Variants in CDH4 observed in about 807,000 individuals in gnomAD.
CDH4 encodes the protein cadherin-4.
A neutral mutation model predicts 86.0 loss-of-function variants in CDH4; 33 were observed. The ratio of observed to expected loss-of-function variants is 0.38; its 90% CI spans 0.29 to 0.51. The LOEUF (loss-of-function observed/expected upper bound fraction) is 0.51. Ranked by LOEUF, CDH4 falls within the 20% of genes least tolerant of loss-of-function variation. The pLI, the probability that CDH4 is intolerant of heterozygous loss-of-function variation, is 0.86. For synonymous variants in CDH4, 555 were observed against 549.4 expected (o/e 1.01, Z -0.14); for missense variants, 1,114 against 1,307.4 (o/e 0.85, Z 2.28).
intron 2 of CDH4, among the ~76,000 whole-genome samples, chr20:61,329,283 G>A (rs199785381): frequency 6.3e-4 from 1 of 1,596 alleles, no homozygotes; most frequent in South Asian, 0.029. Context: ...CTGCTCCAGT[G>A]TTTAAGCCCA....
chr20:61,926,924 G>A (rs538471055), intron 11 of CDH4, among the ~76,000 whole-genome samples: 8 of 152,288 alleles, frequency 5.3e-5, no homozygotes, highest in Middle Eastern at 6.8e-3. Context: ...CTGGAACATC[G>A]GAGCGTCCAT....
intron 2 of CDH4, among the ~76,000 whole-genome samples, chr20:61,259,550 G>A (rs752956054): frequency 2.0e-5 from 3 of 152,342 alleles, no homozygotes; most frequent in Middle Eastern, 6.8e-3. Context: ...AGTCGCTTTG[G>A]TTAACTCACA....
At chr20:61,808,190 T>C (rs1389819016) in intron 4 of CDH4, among the ~76,000 whole-genome samples, 2 of 151,858 alleles carry the variant, frequency 1.3e-5, no homozygotes. Context: ...GGAACAGAGC[T>C]GCAAGCCCCA....
At position 61,935,896 on chromosome 20, in the gene CDH4, A is replaced by G. The variant is rs76866764; in HGVS notation, c.2545-841A>G. 1.6e-3 allele frequency among the ~76,000 whole-genome samples: 247 copies of G among 152,320 alleles called. 2 individuals carry two copies. The highest frequency in any genetic ancestry group is 5.7e-3 in the African/African-American group (235 of 41,550). ...GCAAAACTCCATTTCAGAAAAATCTAAAAATAAATAAATAAAGCCCACTGT... is the reference window on the plus strand; with the variant it reads ...GCAAAACTCCATTTCAGAAAAATCTGAAAATAAATAAATAAAGCCCACTGT... On this transcript the variant is annotated intron_variant, in intron 15 of 15. Transcript: ENST00000614565.
At chr20:61,611,840 C>T (rs2086687752) in intron 2 of CDH4, among the ~76,000 whole-genome samples, 1 of 152,106 alleles carries the variant, frequency 6.6e-6, no homozygotes, top group African/African-American at 2.4e-5. Flanking sequence ...ACGTCTTGGG[C>T]TCCACCAGGG....
intron 2 of CDH4, among the ~76,000 whole-genome samples, chr20:61,583,884 C>A (rs1434403610): frequency 6.6e-6 from 1 of 152,208 alleles, no homozygotes; most frequent in Non-Finnish European, 1.5e-5. Context: ...TGGGGCAGGA[C>A]ACGGTGGCTC....
chr20:61,572,035 C>T (rs78999683), intron 2 of CDH4, among the ~76,000 whole-genome samples: 2,808 of 152,178 alleles, frequency 0.018, 66 homozygotes, highest in African/African-American at 0.055. Context: ...AGAGCCCAGG[C>T]CCTTCCCGCG....
intron 6 of CDH4, among the ~76,000 whole-genome samples, chr20:61,853,426 C>G (rs59292461): frequency 6.6e-6 from 1 of 152,128 alleles, no homozygotes; most frequent in Admixed American, 6.5e-5. Flanking sequence ...GGACTCCCCC[C>G]ACAGAGGCGA....
intron 2 of CDH4, among the ~76,000 whole-genome samples, chr20:61,305,821 C>G (rs879081007): frequency 6.6e-6 from 1 of 152,158 alleles, no homozygotes; most frequent in African/African-American, 2.4e-5. Flanking sequence ...CCAGGAGATC[C>G]GTGGGAGTTC....
At chr20:61,499,434 G>C in intron 2 of CDH4, 1 of 1,288,810 alleles carries the variant, frequency 7.8e-7, no homozygotes, top group Non-Finnish European at 1.0e-6. Context: ...ACAAGGATTC[G>C]ATGAACGGCA....
intron 2 of CDH4, among the ~76,000 whole-genome samples, chr20:61,594,446 A>G (rs978118489): frequency 1.5e-4 from 23 of 152,172 alleles, no homozygotes; most frequent in African/African-American, 3.9e-4. Context: ...GTCACTGCCA[A>G]GAGAGGAGAA....
intron 6 of CDH4, among the ~76,000 whole-genome samples, chr20:61,854,566 TGCAGTGTGAACAGGGTGAATTGTGCCC>T (rs1163190657): frequency 1.2e-4 from 17 of 147,580 alleles, no homozygotes; most frequent in East Asian, 4.1e-4. Flanking sequence ...CCCCCAGGGC[TGCAGTGTGAACAGGGTGAATTGTGCCC>T]TTGGTCCGCC....
At chr20:61,431,913 G>A (rs142304213) in intron 2 of CDH4, among the ~76,000 whole-genome samples, 166 of 152,164 alleles carry the variant, frequency 1.1e-3, no homozygotes, top group African/African-American at 3.6e-3. Context: ...TTTTGTGCCG[G>A]CTTCTTGCAC....
At chr20:61,562,317 T>G in intron 2 of CDH4, among the ~76,000 whole-genome samples, 1 of 127,260 alleles carries the variant, frequency 7.9e-6, no homozygotes, top group East Asian at 2.4e-4. Flanking sequence ...GGGACCTCTG[T>G]GTGGAGAGGT....
At chr20:61,912,149 G>A (rs1568883481) in intron 9 of CDH4, among the ~76,000 whole-genome samples, 1 of 152,176 alleles carries the variant, frequency 6.6e-6, no homozygotes, top group Non-Finnish European at 1.5e-5. Context: ...GGGGAAGAAT[G>A]GCTCACCCCT....
intron 2 of CDH4, among the ~76,000 whole-genome samples, chr20:61,514,306 G>GCCCCCCCCCCCCCCCCC (rs1215793319): frequency 2.9e-4 from 37 of 125,768 alleles, no homozygotes; most frequent in African/African-American, 1.2e-3. Context: ...GCCTCAGTCC[G>GCCCCCCCCCCCCCCCCC]CCCCCCCCGC....
Position 61,928,359 on chromosome 20 carries a change from C to A in CDH4, c.1941C>A (p.Tyr647Ter). 2 of 1,611,726 alleles carry A rather than the reference C, an allele frequency of 1.2e-6. No individual in the cohort carries two copies. The highest frequency in any genetic ancestry group is 1.3e-5 in the African/African-American group (1 of 75,072). Residue 647 changes from tyrosine to a stop codon, truncating the protein, a stop_gained, in exon 12 of 16, where the codon TAC (tyrosine) becomes TAA (stop). Transcript: ENST00000614565. LOFTEE classifies it high-confidence loss of function. ...DADVDPNIGP[Y>*]VFELPFVPAA... is the part of the protein sequence containing the mutation. ...ACGTCGACCCCAACATCGGCCCCTA[C>A]GTCTTCGAGCTGCCCTTTGTCCCGG...
chr20:61,755,169 T>G (rs1451685472), intron 3 of CDH4: 1 of 152,072 alleles, frequency 6.6e-6, no homozygotes, highest in Non-Finnish European at 1.5e-5. Flanking sequence ...GCCCCGGTGA[T>G]TCAATTGCCT....
intron 2 of CDH4, among the ~76,000 whole-genome samples, chr20:61,529,575 CTG>C (rs1334643200): frequency 6.6e-6 from 1 of 152,208 alleles, no homozygotes; most frequent in East Asian, 1.9e-4. Flanking sequence ...AAGAGAATCT[CTG>C]TCATCTGCAG....
Sources: allele counts gnomAD v4.1 joint callset (sites outside exome capture counted in the v4.1 genomes callset), GRCh38; gene constraint gnomAD v4.1.1; transcripts MANE v1.5; gene names NCBI Gene and HGNC (gene_info 2026-07-23, HGNC 2026-07-21).